Variants in FGF14 observed in about 807,000 individuals in gnomAD.
FGF14 encodes fibroblast growth factor homologous factor 4.
Under a neutral mutation model 25.5 loss-of-function variants are expected in FGF14, and 5 were observed. The ratio of observed to expected loss-of-function variants is 0.20; its 90% CI spans 0.10 to 0.41. The LOEUF (loss-of-function observed/expected upper bound fraction) is 0.41, where lower values mean the gene tolerates loss of function less well. Ranked by LOEUF, FGF14 falls within the 10% of genes least tolerant of loss-of-function variation. FGF14 has a pLI of 1.00. For synonymous variants in FGF14, 138 were observed against 118.3 expected (o/e 1.17, Z -1.08); for missense variants, 222 against 320.1 (o/e 0.69, Z 2.34).
intron 1 of FGF14, among the ~76,000 whole-genome samples, chr13:102,378,155 TGG>T (rs1404505791): frequency 6.6e-6 from 1 of 152,170 alleles, no homozygotes. Flanking sequence ...TCTAAACCCA[TGG>T]AGCACACAAC....
rs1158640511 is a variant in FGF14, at chr13:102,339,422, G to C, written c.208+62049C>G. 3.3e-5 allele frequency among the ~76,000 whole-genome samples: 5 copies of C among 151,966 alleles called. No individual in the cohort carries two copies. The East Asian group carries it at 9.6e-4, about 29-fold the overall frequency. ...AAGAATTTGTATGGAAATGATCAAA[G>C]ACATAATTTTAAAAACAAAATTTTA... On this transcript the variant is annotated intron_variant, in intron 1 of 4. Coordinates refer to the FGF14 transcript ENST00000376131.
chr13:101,776,927 A>G (rs1158881087), intron 3 of FGF14, among the ~76,000 whole-genome samples: 1 of 152,180 alleles, frequency 6.6e-6, no homozygotes, highest in Non-Finnish European at 1.5e-5. Context: ...CACAGGGTGG[A>G]AAGGGCAAGG....
intron 1 of FGF14, among the ~76,000 whole-genome samples, chr13:102,076,413 T>C (rs934155511): frequency 1.2e-4 from 19 of 152,192 alleles, no homozygotes; most frequent in African/African-American, 4.3e-4. Flanking sequence ...CTATGCCACA[T>C]AGCGAAGGTG....
At chr13:101,919,326 C>A (rs2139153784), upstream of FGF14, among the ~76,000 whole-genome samples, 1 of 150,578 alleles carries the variant, frequency 6.6e-6, no homozygotes, top group South Asian at 2.1e-4. Flanking sequence ...GTGAGTGTTT[C>A]AAAAAAGTAA....
intron 3 of FGF14, among the ~76,000 whole-genome samples, chr13:101,806,799 C>CA (rs1173025906): frequency 2.0e-5 from 3 of 151,954 alleles, no homozygotes; most frequent in African/African-American, 7.2e-5. Flanking sequence ...AATTTAGGCC[C>CA]AACTTGAAAT....
At chr13:102,139,721 G>C (rs1404158217) in intron 1 of FGF14, among the ~76,000 whole-genome samples, 2 of 152,060 alleles carry the variant, frequency 1.3e-5, no homozygotes, top group Non-Finnish European at 2.9e-5. Context: ...AGAGTAGTCA[G>C]TTATGTGAAG....
chr13:102,076,047 A>C (rs962989744), intron 1 of FGF14, among the ~76,000 whole-genome samples: 12 of 152,192 alleles, frequency 7.9e-5, no homozygotes, highest in African/African-American at 2.4e-4. Context: ...TTATGAAGTA[A>C]AAAAGTTATA....
In FGF14 at chr13:101,972,271, G is replaced by A. The variant is rs376919086; in HGVS notation, c.209-96975C>T. On this transcript the variant is annotated intron_variant, in intron 1 of 4. Transcript: ENST00000376131. ...AGCCCAGTGCTGAACGAGGTTGCTG[G>A]TACCATAGCAGATTCTCATGAGGCA... Among the ~76,000 whole-genome samples, 91 of 152,286 alleles carry A rather than the reference G, an allele frequency of 6.0e-4. 3 individuals are homozygous for A. The South Asian group carries it at 0.019, about 31-fold the overall frequency.
At chr13:102,250,575 T>C (rs953902062) in intron 1 of FGF14, among the ~76,000 whole-genome samples, 1 of 152,194 alleles carries the variant, frequency 6.6e-6, no homozygotes, top group African/African-American at 2.4e-5. Flanking sequence ...TTGAATATTA[T>C]GTTCCCCTTC....
chr13:102,346,529 C>G (rs921402379), intron 1 of FGF14, among the ~76,000 whole-genome samples: 30 of 152,120 alleles, frequency 2.0e-4, no homozygotes, highest in African/African-American at 7.0e-4. Context: ...CATAAAGAGA[C>G]TATGTCATAT....
At chr13:101,917,324 C>A (rs1192742306), upstream of FGF14, among the ~76,000 whole-genome samples, 1 of 152,160 alleles carries the variant, frequency 6.6e-6, no homozygotes, top group Non-Finnish European at 1.5e-5. Flanking sequence ...TGGTCCCCCT[C>A]CTGATGTACC....
intron 1 of FGF14, among the ~76,000 whole-genome samples, chr13:102,392,312 T>C (rs1162188232): frequency 6.6e-6 from 1 of 152,240 alleles, no homozygotes; most frequent in Non-Finnish European, 1.5e-5. Context: ...GGCTTTTAAT[T>C]GCACTACTTG....
chr13:102,105,958 T>A (rs1029177478), intron 1 of FGF14, among the ~76,000 whole-genome samples: 1 of 152,202 alleles, frequency 6.6e-6, no homozygotes, highest in African/African-American at 2.4e-5. Flanking sequence ...ACTTAATAAA[T>A]ATTTATGAAA....
intron 3 of FGF14, among the ~76,000 whole-genome samples, chr13:101,782,400 T>G (rs1270875243): frequency 6.6e-6 from 1 of 152,240 alleles, no homozygotes; most frequent in African/African-American, 2.4e-5. Context: ...ATTTTACTTT[T>G]GAGTTCACAG....
chr13:102,214,594 A>T (rs2050292487), intron 1 of FGF14, among the ~76,000 whole-genome samples: 1 of 152,106 alleles, frequency 6.6e-6, no homozygotes. Flanking sequence ...TAGTTTCAAC[A>T]CTCACCACTC....
intron 1 of FGF14, among the ~76,000 whole-genome samples, chr13:102,167,876 A>G (rs1293935123): frequency 2.0e-5 from 3 of 151,870 alleles, no homozygotes; most frequent in Admixed American, 2.0e-4. Flanking sequence ...GAAAAATATA[A>G]TGTAACCTTT....
intron 1 of FGF14, among the ~76,000 whole-genome samples, chr13:102,227,962 T>C (rs1041407309): frequency 1.3e-5 from 2 of 152,192 alleles, no homozygotes; most frequent in African/African-American, 4.8e-5. Context: ...CAGATTTATT[T>C]ATTTTAAATA....
intron 1 of FGF14, among the ~76,000 whole-genome samples, chr13:102,225,065 G>A (rs373824591): frequency 6.6e-6 from 1 of 151,948 alleles, no homozygotes. Context: ...GCTTCCCCAC[G>A]TCTCAGCCCT....
At chr13:102,243,595 C>A (rs2051709544) in intron 1 of FGF14, among the ~76,000 whole-genome samples, 1 of 149,024 alleles carries the variant, frequency 6.7e-6, no homozygotes, top group Non-Finnish European at 1.5e-5. Flanking sequence ...GGAAAGGAGG[C>A]AGGAAGACCA....
Sources: gnomAD v4.1 joint callset for allele counts (sites outside exome capture counted in the v4.1 genomes callset) on GRCh38, gnomAD v4.1.1 for gene constraint, MANE v1.5 for transcripts, NCBI Gene and HGNC (gene_info 2026-07-23, HGNC 2026-07-21) for gene names.